VNN1: variants seen among roughly 807,000 people sequenced by gnomAD.
VNN1 encodes vanin 1.
A neutral mutation model predicts 41.9 loss-of-function variants in VNN1; 29 were observed. The observed-to-expected ratio is 0.69, with a 90% CI of 0.52 to 0.94. VNN1 has a LOEUF of 0.94. Among genes scored for constraint, VNN1 ranks in the 40% least tolerant of loss-of-function variants. The pLI, the probability that VNN1 is intolerant of heterozygous loss-of-function variation, is 0.00. For synonymous variants in VNN1, 233 were observed against 224.4 expected (o/e 1.04, Z -0.34); for missense variants, 637 against 621.1 (o/e 1.03, Z -0.27).
rs1193168211 is a variant in VNN1, at chr6:132,681,124, T to G, written c.*2016A>C. On this transcript the variant is annotated 3_prime_UTR_variant, in exon 7 of 7. Transcript: ENST00000367928. ...GTTTGATTCTGTCCACGTTGTGCCA[T>G]TGTTGGTCCATGTGACCAACATCAT... Among the ~76,000 whole-genome samples the G allele has an allele frequency of 6.6e-6, 1 of 152,168 alleles. No individual in the cohort carries two copies. The highest frequency in any genetic ancestry group is 1.5e-5 in the Non-Finnish European group (1 of 68,022).
Position 132,693,871 on chromosome 6 carries a change from T to C in VNN1, c.534+119A>G, listed in dbSNP as rs565214937. The C allele has an allele frequency of 1.1e-4, 130 of 1,176,534 alleles. No homozygotes were observed. The African/African-American group carries it at 1.4e-3, about 13-fold the overall frequency. The allele number at this position is 1,176,534 out of a possible 1,614,324, so 72.9% of individuals were successfully genotyped here. On this transcript the variant is annotated intron_variant, in intron 3 of 6. Coordinates refer to ENST00000367928, the MANE Select transcript of VNN1 (RefSeq NM_004666.3). Reference sequence around the variant, plus strand: ...TTCCACGCTTTATCATTACTTTCTATGCTTTGCCCCTACTCGATTTCTAAA... The same window carrying C: ...TTCCACGCTTTATCATTACTTTCTACGCTTTGCCCCTACTCGATTTCTAAA...
At position 132,707,578 on chromosome 6, in the gene VNN1, A is replaced by G. The variant is rs1226417494; in HGVS notation, c.341+4131T>C. On this transcript the variant is annotated intron_variant, in intron 2 of 6. Coordinates refer to ENST00000367928, the MANE Select transcript of VNN1 (RefSeq NM_004666.3). ...GTACACAATAAAGTACTATTCAGCT[A>G]CAAAAAGAATGAGATCCAGTCATTT... Among the ~76,000 whole-genome samples the G allele has an allele frequency of 2.6e-5, 4 of 152,234 alleles. No homozygotes were observed. The East Asian group carries it at 5.8e-4, about 22-fold the overall frequency.
intron 5 of VNN1, among the ~76,000 whole-genome samples, chr6:132,688,591 A>G (rs752641249): frequency 2.0e-5 from 3 of 152,260 alleles, no homozygotes; most frequent in Middle Eastern, 3.4e-3. Context: ...GAGCTAAGAG[A>G]TTACTCTCTT....
chr6:132,693,330 A>T lies in VNN1; in HGVS notation c.535-15T>A. On this transcript the variant is annotated splice_polypyrimidine_tract_variant and intron_variant, in intron 3 of 6. Coordinates refer to ENST00000367928, the MANE Select transcript of VNN1 (RefSeq NM_004666.3). ...AAAAGGTTTTGCTGCAATAAACAGAAGATAAAGAGAAAAAAATTATTTTAG... is the reference window on the plus strand; with the variant it reads ...AAAAGGTTTTGCTGCAATAAACAGATGATAAAGAGAAAAAAATTATTTTAG... 1.3e-6 allele frequency: 2 copies of T among 1,569,754 alleles called. No homozygotes were observed. The highest frequency in any genetic ancestry group is 1.7e-6 in the Non-Finnish European group (2 of 1,160,828).
chr6:132,692,975 T>C, intron 4 of VNN1, 49 bp downstream of exon 4: 1 of 1,519,824 alleles, frequency 6.6e-7, no homozygotes, highest in Non-Finnish European at 8.8e-7. Flanking sequence ...TTTTTTTTCT[T>C]TTCTTTTCTG....
chr6:132,696,937 C>T (rs569838358), intron 2 of VNN1, among the ~76,000 whole-genome samples: 5 of 151,936 alleles, frequency 3.3e-5, no homozygotes, highest in Admixed American at 1.3e-4. Context: ...AACCCCGTCT[C>T]CACTAAAAAT....
chr6:132,692,098 G>A (rs774108839), intron 5 of VNN1, 125 bp downstream of exon 5: 47 of 1,098,898 alleles, frequency 4.3e-5, no homozygotes, highest in African/African-American at 9.8e-5. Flanking sequence ...AAAATTTTTA[G>A]CATACATAAA....
chr6:132,694,267 T>C (rs1457667439), intron 2 of VNN1, 85 bp from the exon 3 acceptor site: 1 of 1,254,564 alleles, frequency 8.0e-7, no homozygotes, highest in Non-Finnish European at 1.1e-6. Flanking sequence ...TGCCTAAACC[T>C]ATTATTTGAT....
At chr6:132,692,680 C>G in intron 4 of VNN1, 96 bp from the exon 5 acceptor site, 1 of 1,417,596 alleles carries the variant, frequency 7.1e-7, no homozygotes, top group Non-Finnish European at 9.3e-7. Context: ...TCACATTTTA[C>G]TCTCTCTAAG....
intron 2 of VNN1, among the ~76,000 whole-genome samples, chr6:132,696,608 G>A (rs9375912): frequency 0.28 from 41,805 of 151,814 alleles, 6,313 homozygotes; most frequent in East Asian, 0.47. Flanking sequence ...TAAGATTATC[G>A]GCAGATTTCT....
chr6:132,695,169 G>T (rs1268930269), intron 2 of VNN1, among the ~76,000 whole-genome samples: 2 of 151,960 alleles, frequency 1.3e-5, no homozygotes, highest in South Asian at 2.1e-4. Context: ...AAATTTTTTT[G>T]AATGAGTTAA....
At chr6:132,688,196 T>C (rs73559737) in intron 5 of VNN1, among the ~76,000 whole-genome samples, 4,241 of 152,234 alleles carry the variant, frequency 0.028, 194 homozygotes, top group African/African-American at 0.097. Context: ...CACTGGCACA[T>C]TGGCATTAAG....
intron 3 of VNN1, among the ~76,000 whole-genome samples, chr6:132,693,687 T>G (rs555412372): frequency 7.2e-5 from 11 of 152,304 alleles, no homozygotes; most frequent in African/African-American, 2.6e-4. Context: ...ATTCTAGCCT[T>G]GACCCATTGC....
intron 6 of VNN1, 127 bp downstream of exon 6, chr6:132,684,208 C>G: frequency 1.0e-6 from 1 of 954,970 alleles, no homozygotes; most frequent in Non-Finnish European, 1.5e-6. Context: ...CCTTCATGAT[C>G]CCCAAGGATA....
intron 5 of VNN1, among the ~76,000 whole-genome samples, chr6:132,691,366 A>G (rs192161259): frequency 2.0e-4 from 30 of 152,266 alleles, no homozygotes; most frequent in Admixed American, 3.9e-4. Flanking sequence ...ACCAAGGAAG[A>G]GAAGAGAAGA....
chr6:132,692,407 C>T lies in VNN1; in HGVS notation c.1004G>A (p.Gly335Asp), dbSNP rs1778304531. Residue 335 changes from glycine (G) to aspartate (D), a missense_variant, in exon 5 of 7, where the codon GGC becomes GAC. Physicochemically the swap from Gly to Asp is moderately conservative, Grantham distance 94. Coordinates refer to ENST00000367928, the MANE Select transcript of VNN1 (RefSeq NM_004666.3). Reference sequence around the variant, plus strand: ...AGTGAATTCATCGAAAAAGACAGTGCCTTTAAATTCCTTGTTTCCTGATGA... The same window carrying T: ...AGTGAATTCATCGAAAAAGACAGTGTCTTTAAATTCCTTGTTTCCTGATGA... ...ALSSGNKEFK[G>D]TVFFDEFTFV... 6.2e-7 allele frequency: 1 copy of T among 1,614,016 alleles called. No individual in the cohort carries two copies. Among genetic ancestry groups the T allele is most frequent in the Non-Finnish European group, 8.5e-7 (1 of 1,180,030 alleles).
At position 132,680,929 on chromosome 6, in the gene VNN1, G is replaced by A. The variant is rs45550335; in HGVS notation, c.*2211C>T. On this transcript the variant is annotated 3_prime_UTR_variant, in exon 7 of 7. Transcript: ENST00000367928. Reference sequence around the variant, plus strand: ...GTAGTGCTTTTCAGACGTAACTATTGGGAGTGTATTTTGAAATACATATCA... The same window carrying A: ...GTAGTGCTTTTCAGACGTAACTATTAGGAGTGTATTTTGAAATACATATCA... Among the ~76,000 whole-genome samples the A allele has an allele frequency of 0.088, 13,420 of 152,016 alleles. 744 individuals are homozygous for A. Among genetic ancestry groups the A allele is most frequent in the African/African-American group, 0.15 (6,319 of 41,438 alleles).
chr6:132,695,474 G>C (rs1239537642), intron 2 of VNN1, among the ~76,000 whole-genome samples: 2 of 152,056 alleles, frequency 1.3e-5, no homozygotes, highest in Non-Finnish European at 2.9e-5. Flanking sequence ...GGACAATAAT[G>C]ACCTTGTCTT....
chr6:132,713,956 G>T lies in VNN1; in HGVS notation c.80C>A (p.Ala27Glu). The change falls in exon 1 of 7, where the codon GCA (alanine) becomes GAA (glutamate). Residue 27 changes from alanine (A) to glutamate (E), a missense_variant. Physicochemically the swap from Ala to Glu is moderately radical, Grantham distance 107 (BLOSUM62 -1). Coordinates refer to ENST00000367928, the MANE Select transcript of VNN1 (RefSeq NM_004666.3). Reference sequence around the variant, plus strand: ...TATCGCTGCATGCTCATAAACAGCTGCAGTGAAAGTGTCCTGGCAGCTGGC... The same window carrying T: ...TATCGCTGCATGCTCATAAACAGCTTCAGTGAAAGTGTCCTGGCAGCTGGC... ...SRASCQDTFT[A>E]AVYEHAAILP... 1.2e-6 allele frequency: 2 copies of T among 1,614,172 alleles called. No individual in the cohort carries two copies. Among genetic ancestry groups the T allele is most frequent in the Non-Finnish European group, 8.5e-7 (1 of 1,180,032 alleles).
Sources: allele counts gnomAD v4.1 joint callset (sites outside exome capture counted in the v4.1 genomes callset), GRCh38; gene constraint gnomAD v4.1.1; transcripts MANE v1.5; gene names NCBI Gene and HGNC (gene_info 2026-07-23, HGNC 2026-07-21).